CTNNA3: variants seen among roughly 807,000 people sequenced by gnomAD.
CTNNA3 encodes the protein catenin alpha-3.
CTNNA3 carries 76 observed loss-of-function variants against 95.7 expected under a neutral mutation model. The ratio of observed to expected loss-of-function variants is 0.79; its 90% CI spans 0.66 to 0.96. The LOEUF is 0.96. CTNNA3 is among the 40% of genes least tolerant of loss of function. The pLI is 0.00. For missense variants in CTNNA3, 1,191 were observed against 1,089.8 expected, an observed-to-expected ratio of 1.09 and a Z score of -1.31; for synonymous variants, 431 against 374.4, an observed-to-expected ratio of 1.15 and a Z score of -1.74.
intron 5 of CTNNA3, among the ~76,000 whole-genome samples, chr10:67,324,298 T>C (rs1182309573): frequency 6.6e-6 from 1 of 152,170 alleles, no homozygotes. Context: ...CATCCTTGTC[T>C]TGTGCTGGTT....
At chr10:67,259,265 T>C (rs1005204718) in intron 5 of CTNNA3, among the ~76,000 whole-genome samples, 3 of 152,214 alleles carry the variant, frequency 2.0e-5, no homozygotes, top group African/African-American at 7.2e-5. Context: ...TAATCACTCT[T>C]TAAGTGTATC....
At chr10:66,905,313 T>C (rs1158784894) in intron 7 of CTNNA3, among the ~76,000 whole-genome samples, 17 of 152,042 alleles carry the variant, frequency 1.1e-4, no homozygotes, top group Admixed American at 1.1e-3. Context: ...AGGTGGGAAT[T>C]GAACAATAAG....
chr10:66,489,296 G>A (rs1468126656), intron 11 of CTNNA3, among the ~76,000 whole-genome samples: 1 of 152,174 alleles, frequency 6.6e-6, no homozygotes, highest in Non-Finnish European at 1.5e-5. Flanking sequence ...GTTCATGAGA[G>A]AGTTTCAGTT....
intron 9 of CTNNA3, among the ~76,000 whole-genome samples, chr10:66,669,423 G>C (rs961632114): frequency 6.6e-6 from 1 of 151,826 alleles, no homozygotes; most frequent in African/African-American, 2.4e-5. Flanking sequence ...TGTGCCTGTA[G>C]TCCCAGCTAC....
At chr10:67,475,733 T>C (rs961803726) in intron 5 of CTNNA3, among the ~76,000 whole-genome samples, 4 of 152,240 alleles carry the variant, frequency 2.6e-5, no homozygotes, top group African/African-American at 7.2e-5. Context: ...CATGACTTTA[T>C]ATTCATTATC....
intron 9 of CTNNA3, among the ~76,000 whole-genome samples, chr10:66,712,826 G>C (rs907768131): frequency 6.6e-6 from 1 of 152,094 alleles, no homozygotes; most frequent in African/African-American, 2.4e-5. Context: ...ACCTATGCTA[G>C]ACTACACCAC....
At chr10:67,526,088 G>T (rs1403978177) in intron 4 of CTNNA3, among the ~76,000 whole-genome samples, 1 of 152,060 alleles carries the variant, frequency 6.6e-6, no homozygotes, top group African/African-American at 2.4e-5. Flanking sequence ...ATAATATATT[G>T]ATGCTCTATA....
chr10:66,776,069 T>C (rs763537007), intron 7 of CTNNA3, among the ~76,000 whole-genome samples: 1 of 152,210 alleles, frequency 6.6e-6, no homozygotes, highest in Non-Finnish European at 1.5e-5. Context: ...TGGACGCTGT[T>C]TTTGGCTCTT....
intron 7 of CTNNA3, among the ~76,000 whole-genome samples, chr10:67,158,621 C>A (rs954936142): frequency 1.3e-5 from 2 of 152,076 alleles, no homozygotes; most frequent in African/African-American, 4.8e-5. Flanking sequence ...ATAAGTGTAG[C>A]ACGAATTGGA....
chr10:66,936,644 T>C (rs974091686), intron 7 of CTNNA3, among the ~76,000 whole-genome samples: 1 of 152,152 alleles, frequency 6.6e-6, no homozygotes, highest in Non-Finnish European at 1.5e-5. Flanking sequence ...ATGGACTAGA[T>C]TGAACTCTAC....
chr10:66,026,227 A>G (rs2079331907), intron 15 of CTNNA3, among the ~76,000 whole-genome samples: 1 of 152,158 alleles, frequency 6.6e-6, no homozygotes, highest in Non-Finnish European at 1.5e-5. Flanking sequence ...ATAGGAGAAA[A>G]TAGAGTTAAA....
chr10:66,287,781 C>T (rs1221932493), intron 12 of CTNNA3, among the ~76,000 whole-genome samples: 3 of 152,060 alleles, frequency 2.0e-5, no homozygotes. Context: ...TTCAGACATT[C>T]AAGTACACAG....
intron 12 of CTNNA3, among the ~76,000 whole-genome samples, chr10:66,355,067 C>T (rs1294734890): frequency 3.3e-5 from 5 of 152,070 alleles, no homozygotes; most frequent in African/African-American, 4.8e-5. Flanking sequence ...GCTAGACAGG[C>T]TTAATTCTGG....
chr10:66,997,429 T>G (rs1851416191), intron 7 of CTNNA3, among the ~76,000 whole-genome samples: 1 of 152,232 alleles, frequency 6.6e-6, no homozygotes, highest in Non-Finnish European at 1.5e-5. Flanking sequence ...ACTTTAAGCA[T>G]GATTTAATCT....
At chr10:67,751,563 C>G (rs778060082) in intron 1 of CTNNA3, among the ~76,000 whole-genome samples, 2 of 151,538 alleles carry the variant, frequency 1.3e-5, no homozygotes, top group African/African-American at 4.9e-5. Flanking sequence ...AAAAATAGAC[C>G]GCTAACTAGA....
chr10:66,225,107 C>G (rs2089200277), intron 13 of CTNNA3, among the ~76,000 whole-genome samples: 1 of 151,756 alleles, frequency 6.6e-6, no homozygotes, highest in Non-Finnish European at 1.5e-5. Flanking sequence ...TATAGTCACC[C>G]CACAATGCTA....
chr10:66,307,601 T>A (rs1217847774), intron 12 of CTNNA3, among the ~76,000 whole-genome samples: 1 of 152,204 alleles, frequency 6.6e-6, no homozygotes, highest in Non-Finnish European at 1.5e-5. Flanking sequence ...TTTTTTAAAT[T>A]GACAAACTCC....
At chr10:66,038,922 G>A (rs1287151194) in intron 15 of CTNNA3, among the ~76,000 whole-genome samples, 1 of 152,122 alleles carries the variant, frequency 6.6e-6, no homozygotes, top group African/African-American at 2.4e-5. Flanking sequence ...AAGAAATAAA[G>A]GGCATCCGAA....
intron 7 of CTNNA3, among the ~76,000 whole-genome samples, chr10:67,068,927 G>A (rs1165373145): frequency 1.3e-5 from 2 of 152,122 alleles, no homozygotes; most frequent in Admixed American, 6.5e-5. Flanking sequence ...GGGCCTGGTG[G>A]CAGGTACCTG....
Sources: gnomAD v4.1 joint callset for allele counts (sites outside exome capture counted in the v4.1 genomes callset) on GRCh38, gnomAD v4.1.1 for gene constraint, MANE v1.5 for transcripts, NCBI Gene and HGNC (gene_info 2026-07-23, HGNC 2026-07-21) for gene names.